Variants in CSMD1 observed in about 807,000 individuals in gnomAD.
CSMD1 encodes CUB and sushi domain-containing protein 1.
A neutral mutation model predicts 417.5 loss-of-function variants in CSMD1; 213 were observed. The ratio of observed to expected loss-of-function variants is 0.51; its 90% CI spans 0.46 to 0.57. The LOEUF is 0.57. CSMD1 is among the 20% of genes least tolerant of loss of function. The pLI is 0.00. For missense variants in CSMD1, 6,923 were observed against 4,529.7 expected (o/e 1.53, Z -15.17); for synonymous variants, 2,862 against 1,736.8 (o/e 1.65, Z -16.11).
chr8:4,813,638 G>C (rs956023367), intron 1 of CSMD1, among the ~76,000 whole-genome samples: 2 of 152,212 alleles, frequency 1.3e-5, no homozygotes, highest in Non-Finnish European at 2.9e-5. Flanking sequence ...CTCCAGAGCT[G>C]TAATAACATC....
chr8:4,833,055 A>G (rs1019104499), intron 1 of CSMD1, among the ~76,000 whole-genome samples: 5 of 152,172 alleles, frequency 3.3e-5, no homozygotes, highest in African/African-American at 1.2e-4. Context: ...TCTTATGCGG[A>G]AAGTATATAC....
intron 3 of CSMD1, among the ~76,000 whole-genome samples, chr8:4,297,559 A>G (rs1563409851): frequency 6.6e-6 from 1 of 152,148 alleles, no homozygotes; most frequent in Non-Finnish European, 1.5e-5. Flanking sequence ...TTATAATGCT[A>G]AATGTTGTTA....
rs1475327257 is a variant in CSMD1 at position 3,183,244 on chromosome 8, GCATC to G, written c.5621-2034_5621-2031del. On this transcript the variant is annotated intron_variant, in intron 36 of 69. Transcript: ENST00000635120. ...CTAACGTTTCTTAACGATACCATCG[GCATC>G]CATCCACGTCACAAACTGAACGCCT... 4 of 125,116 alleles carry G rather than the reference GCATC, an allele frequency of 3.2e-5. No homozygotes were observed. In the East Asian group the frequency reaches 6.7e-4, roughly 21 times the overall value. 7.8% of individuals were successfully genotyped at this position (125,116 alleles called of 1,614,324 possible). A position where few individuals can be genotyped will look rare whatever the true frequency, so the allele number is the denominator to read the frequency against.
intron 3 of CSMD1, among the ~76,000 whole-genome samples, chr8:4,079,606 G>A (rs927076621): frequency 2.0e-5 from 3 of 152,170 alleles, no homozygotes; most frequent in Admixed American, 6.5e-5. Flanking sequence ...AAGCATTAAA[G>A]ATTTCTTCAT....
intron 3 of CSMD1, among the ~76,000 whole-genome samples, chr8:4,367,703 G>A (rs981301722): frequency 6.6e-6 from 1 of 152,162 alleles, no homozygotes; most frequent in Non-Finnish European, 1.5e-5. Flanking sequence ...GCACTGAATG[G>A]TTTTCATCTG....
At chr8:4,642,255 G>C (rs1307235029) in intron 1 of CSMD1, among the ~76,000 whole-genome samples, 1 of 152,194 alleles carries the variant, frequency 6.6e-6, no homozygotes, top group East Asian at 1.9e-4. Flanking sequence ...ACACATTCCA[G>C]TAAAGGCAGG....
intron 20 of CSMD1, among the ~76,000 whole-genome samples, chr8:3,363,154 C>G (rs1158749707): frequency 6.6e-6 from 1 of 152,158 alleles, no homozygotes; most frequent in Non-Finnish European, 1.5e-5. Flanking sequence ...GAGAGCCCAC[C>G]CAAATTAGCT....
intron 1 of CSMD1, among the ~76,000 whole-genome samples, chr8:4,667,496 T>C (rs1268248967): frequency 2.0e-5 from 3 of 152,236 alleles, no homozygotes; most frequent in African/African-American, 7.2e-5. Context: ...TTCATGAACA[T>C]GATATACCCT....
intron 54 of CSMD1, among the ~76,000 whole-genome samples, chr8:2,995,395 C>G (rs1025662361): frequency 6.6e-6 from 1 of 152,088 alleles, no homozygotes; most frequent in Non-Finnish European, 1.5e-5. Flanking sequence ...GTGACCGCAC[C>G]GAATGCTGGA....
At chr8:4,448,947 G>A (rs1798973140) in intron 2 of CSMD1, among the ~76,000 whole-genome samples, 1 of 152,118 alleles carries the variant, frequency 6.6e-6, no homozygotes. Context: ...AATTACCAGT[G>A]TACCTGTTTC....
At chr8:4,551,719 C>T (rs1369048808) in intron 2 of CSMD1, among the ~76,000 whole-genome samples, 8 of 152,048 alleles carry the variant, frequency 5.3e-5, no homozygotes, top group Non-Finnish European at 8.8e-5. Context: ...ATCTCCCAGG[C>T]TGGAGTCCAG....
intron 1 of CSMD1, among the ~76,000 whole-genome samples, chr8:4,841,612 T>C (rs987713356): frequency 2.0e-5 from 3 of 151,962 alleles, no homozygotes; most frequent in African/African-American, 7.2e-5. Flanking sequence ...AAAATAATCA[T>C]ATAGAAGTTC....
At chr8:3,662,854 A>G (rs1798489866) in intron 7 of CSMD1, among the ~76,000 whole-genome samples, 1 of 151,658 alleles carries the variant, frequency 6.6e-6, no homozygotes, top group Non-Finnish European at 1.5e-5. Context: ...AGGGGGAAAG[A>G]GGGGGGAGAG....
intron 3 of CSMD1, among the ~76,000 whole-genome samples, chr8:4,408,352 A>G (rs1337196790): frequency 2.0e-5 from 3 of 152,238 alleles, no homozygotes; most frequent in South Asian, 2.1e-4. Flanking sequence ...CTGTCTGGAA[A>G]GGGCGTATCA....
chr8:3,727,726 C>T (rs868656400), intron 6 of CSMD1, among the ~76,000 whole-genome samples: 1 of 152,146 alleles, frequency 6.6e-6, no homozygotes, highest in South Asian at 2.1e-4. Flanking sequence ...TGTCCATAAA[C>T]ACATGAATGG....
rs755249119 is a variant in CSMD1 at position 3,206,387 on chromosome 8, G to GTGTGTGTGTT, written c.4868-768_4868-767insAACACACACA. ...GTATTGGGGGTATGTCTGTGTGTGT[G>GTGTGTGTGTT]TATGTGTGTGTGGGGGGTTATGTCT... On this transcript the variant is annotated intron_variant, in intron 30 of 69. Transcript: ENST00000635120. 2.6e-3 allele frequency among the ~76,000 whole-genome samples: 348 copies of GTGTGTGTGTT among 132,600 alleles called. 2 individuals are homozygous for GTGTGTGTGTT. Among genetic ancestry groups the GTGTGTGTGTT allele is most frequent in the Non-Finnish European group, 4.6e-3 (291 of 63,098 alleles). 87.0% of individuals were successfully genotyped at this position (132,600 alleles called of 152,430 possible).
chr8:3,464,763 T>C (rs17066202), intron 12 of CSMD1, among the ~76,000 whole-genome samples: 5,161 of 152,186 alleles, frequency 0.034, 158 homozygotes, highest in East Asian at 0.15. Flanking sequence ...ATAATTAATT[T>C]ACATCCTGCT....
At chr8:2,939,950 G>A (rs1318590772) in intron 69 of CSMD1, among the ~76,000 whole-genome samples, 1 of 152,010 alleles carries the variant, frequency 6.6e-6, no homozygotes, top group Non-Finnish European at 1.5e-5. Context: ...TCCCAGAGTG[G>A]AACTGGCTGC....
chr8:4,780,717 C>T (rs529687066), intron 1 of CSMD1, among the ~76,000 whole-genome samples: 104 of 152,166 alleles, frequency 6.8e-4, no homozygotes, highest in African/African-American at 2.5e-3. Flanking sequence ...TTTCTGACCC[C>T]CTTCCCACTC....
Sources: allele counts gnomAD v4.1 joint callset (sites outside exome capture counted in the v4.1 genomes callset), GRCh38; gene constraint gnomAD v4.1.1; transcripts MANE v1.5; gene names NCBI Gene and HGNC (gene_info 2026-07-23, HGNC 2026-07-21).